Variants in SLCO5A1 observed in about 807,000 individuals in gnomAD.
The protein encoded by SLCO5A1 is solute carrier organic anion transporter family member 5A1, also known as organic anion transporter polypeptide-related protein 4.
A neutral mutation model predicts 65.1 loss-of-function variants in SLCO5A1; 39 were observed. The ratio of observed to expected loss-of-function variants is 0.60; its 90% CI spans 0.46 to 0.78. The LOEUF (loss-of-function observed/expected upper bound fraction) is 0.78. SLCO5A1 is among the 30% of genes least tolerant of loss of function. SLCO5A1 has a pLI of 0.00. For synonymous variants in SLCO5A1, 438 were observed against 415.7 expected (o/e 1.05, Z -0.65); for missense variants, 1,029 against 1,069.4 (o/e 0.96, Z 0.53).
intron 2 of SLCO5A1, among the ~76,000 whole-genome samples, chr8:69,795,662 A>G (rs1819459219): frequency 6.6e-6 from 1 of 152,186 alleles, no homozygotes; most frequent in Non-Finnish European, 1.5e-5. Context: ...TGGATCCACT[A>G]TTCTGGGGTC....
chr8:69,750,394 C>T (rs1407367192), intron 4 of SLCO5A1, among the ~76,000 whole-genome samples: 1 of 152,122 alleles, frequency 6.6e-6, no homozygotes, highest in Non-Finnish European at 1.5e-5. Context: ...TAATCTACCT[C>T]TTTGAGTGCT....
At chr8:69,706,012 T>A (rs1411847703) in intron 5 of SLCO5A1, among the ~76,000 whole-genome samples, 1 of 152,194 alleles carries the variant, frequency 6.6e-6, no homozygotes, top group African/African-American at 2.4e-5. Flanking sequence ...ATTATAATTG[T>A]AAAAAACTGG....
In SLCO5A1 at chr8:69,755,564, G is replaced by A. The variant is rs1218023160; in HGVS notation, c.1118C>T (p.Pro373Leu). The change falls in exon 4 of 10, where the codon CCA (proline) becomes CTA (leucine). Residue 373 changes from proline (P) to leucine (L), a missense_variant. Around this residue, in one of 3 missense-constraint regions of SLCO5A1, gnomAD observed 647 missense variants for 647.5 expected, o/e 1.00. Transcript: ENST00000260126. ...FPMFTFPKKL[P>L]PRHKKKKKKK... ...CTTTTTCTTTTTCTTGTGTCGAGGT[G>A]GAAGCTTTTTTGGGAAAGTAAACAT... 5.0e-6 allele frequency: 8 copies of A among 1,613,926 alleles called. No individual in the cohort carries two copies. Among genetic ancestry groups the A allele is most frequent in the Non-Finnish European group, 6.8e-6 (8 of 1,179,968 alleles).
intron 2 of SLCO5A1, among the ~76,000 whole-genome samples, chr8:69,801,752 A>G (rs766048068): frequency 5.9e-5 from 9 of 152,200 alleles, no homozygotes; most frequent in Non-Finnish European, 1.2e-4. Flanking sequence ...GGTCAAAAAA[A>G]TCAGTAGTCA....
intron 6 of SLCO5A1, among the ~76,000 whole-genome samples, chr8:69,698,930 G>A (rs924125095): frequency 1.2e-4 from 19 of 152,182 alleles, no homozygotes; most frequent in Non-Finnish European, 1.2e-4. Flanking sequence ...GAGGTCCCAG[G>A]ATGTAAGTTA....
chr8:69,778,111 T>C (rs1234742761), intron 2 of SLCO5A1, among the ~76,000 whole-genome samples: 3 of 152,198 alleles, frequency 2.0e-5, no homozygotes, highest in African/African-American at 7.2e-5. Flanking sequence ...TGTATACGTA[T>C]GAAAAGACAG....
intron 5 of SLCO5A1, among the ~76,000 whole-genome samples, chr8:69,716,526 G>A (rs1344418707): frequency 6.6e-6 from 1 of 152,154 alleles, no homozygotes; most frequent in African/African-American, 2.4e-5. Flanking sequence ...CTGAGTGTGA[G>A]GTGGTACCTC....
intron 5 of SLCO5A1, among the ~76,000 whole-genome samples, chr8:69,732,743 G>A (rs1230639330): frequency 6.6e-6 from 1 of 152,058 alleles, no homozygotes; most frequent in African/African-American, 2.4e-5. Context: ...ACAAAAATTA[G>A]CTAGGCATGG....
chr8:69,769,891 A>T (rs1324371952), intron 2 of SLCO5A1, among the ~76,000 whole-genome samples: 1 of 152,194 alleles, frequency 6.6e-6, no homozygotes, highest in Non-Finnish European at 1.5e-5. Flanking sequence ...TAAATATAAG[A>T]TGGATTTATT....
chr8:69,735,173 G>A (rs1226869937), intron 5 of SLCO5A1, among the ~76,000 whole-genome samples: 1 of 152,178 alleles, frequency 6.6e-6, no homozygotes, highest in Non-Finnish European at 1.5e-5. Context: ...AGAAACAACA[G>A]ATGCTGCCAA....
At chr8:69,774,563 G>T (rs1489350262) in intron 2 of SLCO5A1, among the ~76,000 whole-genome samples, 2 of 152,100 alleles carry the variant, frequency 1.3e-5, no homozygotes, top group African/African-American at 4.8e-5. Flanking sequence ...ATTCCCTCCG[G>T]TGTGTAACCC....
intron 2 of SLCO5A1, among the ~76,000 whole-genome samples, chr8:69,826,986 T>C (rs1210801440): frequency 6.6e-6 from 1 of 152,164 alleles, no homozygotes; most frequent in Non-Finnish European, 1.5e-5. Flanking sequence ...GATGAGTTCA[T>C]GTCCTTTGTA....
At chr8:69,826,384 G>T (rs1395029908) in intron 2 of SLCO5A1, among the ~76,000 whole-genome samples, 6 of 151,876 alleles carry the variant, frequency 4.0e-5, no homozygotes, top group African/African-American at 1.2e-4. Flanking sequence ...CTACTCATCT[G>T]ACAAAGGGCT....
chr8:69,696,410 T>C (rs1197625713), intron 6 of SLCO5A1, among the ~76,000 whole-genome samples: 1 of 152,158 alleles, frequency 6.6e-6, no homozygotes, highest in Non-Finnish European at 1.5e-5. Context: ...TGAGCAGATG[T>C]GACAGAAGGC....
intron 7 of SLCO5A1, among the ~76,000 whole-genome samples, chr8:69,680,552 G>A (rs555690120): frequency 3.9e-5 from 6 of 152,140 alleles, no homozygotes; most frequent in Admixed American, 6.5e-5. Flanking sequence ...CACCTAGCTT[G>A]ATTCCATGTC....
chr8:69,731,335 A>G (rs541243771), intron 5 of SLCO5A1, among the ~76,000 whole-genome samples: 38 of 152,336 alleles, frequency 2.5e-4, no homozygotes, highest in South Asian at 1.0e-3. Context: ...TTCAACAGCA[A>G]AAACCGCAAT....
At chr8:69,799,584 T>A (rs1819650323) in intron 2 of SLCO5A1, among the ~76,000 whole-genome samples, 1 of 152,252 alleles carries the variant, frequency 6.6e-6, no homozygotes, top group African/African-American at 2.4e-5. Flanking sequence ...TACCTGAGAC[T>A]GAGTAATTTA....
At chr8:69,687,095 C>T (rs1334065300) in intron 6 of SLCO5A1, among the ~76,000 whole-genome samples, 1 of 152,136 alleles carries the variant, frequency 6.6e-6, no homozygotes, top group African/African-American at 2.4e-5. Flanking sequence ...AACACAATCA[C>T]AAACGTGAGG....
At chr8:69,782,905 T>C (rs886788452) in intron 2 of SLCO5A1, among the ~76,000 whole-genome samples, 1 of 152,220 alleles carries the variant, frequency 6.6e-6, no homozygotes, top group African/African-American at 2.4e-5. Flanking sequence ...CGTAAGAGTA[T>C]TGGCTTCAGC....
Sources: allele counts gnomAD v4.1 joint callset (sites outside exome capture counted in the v4.1 genomes callset), GRCh38; gene constraint gnomAD v4.1.1; regional missense constraint gnomAD v4.1.1; transcripts MANE v1.5; gene names NCBI Gene and HGNC (gene_info 2026-07-23, HGNC 2026-07-21).